Variants in NRXN1 observed in about 807,000 individuals in gnomAD.
NRXN1 encodes the protein neurexin-1.
In NRXN1, 39 loss-of-function variants were observed where a neutral mutation model predicts 150.9. The observed-to-expected ratio is 0.26, with a 90% CI of 0.20 to 0.34. The LOEUF (loss-of-function observed/expected upper bound fraction) is 0.34. NRXN1 is among the 10% of genes least tolerant of loss of function. The pLI is 1.00. For missense variants in NRXN1, 1,815 were observed against 1,949.9 expected, an observed-to-expected ratio of 0.93 and a Z score of 1.30; for synonymous variants, 924 against 757.0, an observed-to-expected ratio of 1.22 and a Z score of -3.62.
At chr2:49,945,643 T>G (rs1672758696) in intron 21 of NRXN1, among the ~76,000 whole-genome samples, 1 of 152,122 alleles carries the variant, frequency 6.6e-6, no homozygotes, top group Admixed American at 6.5e-5. Flanking sequence ...CAGTGTTTGA[T>G]TTTCAGTTCC....
At position 50,538,585 on chromosome 2, in the gene NRXN1, C is replaced by T. The variant is rs199870900; in HGVS notation, c.1811G>A (p.Ser604Asn). The change falls in exon 10 of 23, where the codon AGT (serine) becomes AAT (asparagine). Residue 604 changes from serine (S) to asparagine (N), a missense_variant. Coordinates refer to ENST00000401669, the MANE Select transcript of NRXN1 (RefSeq NM_001330078.2). ...LRTPYTAPGESEILDLDDELY... is the reference protein window; with the variant it reads ...LRTPYTAPGENEILDLDDELY... ...CTCATCATCCAGGTCCAGAATCTCA[C>T]TCTCACCAGGAGCAGTGTAGGGAGT... 1.3e-6 allele frequency: 2 copies of T among 1,556,154 alleles called. No individual in the cohort carries two copies. The highest frequency in any genetic ancestry group is 2.5e-5 in the South Asian group (2 of 80,544).
At position 50,057,120 on chromosome 2, in the gene NRXN1, C is replaced by T. The variant is rs570715866; in HGVS notation, c.3719-2076G>A. Among the ~76,000 whole-genome samples, 21 of 152,250 alleles carry T rather than the reference C, an allele frequency of 1.4e-4. No individual in the cohort carries two copies. In the East Asian group the frequency reaches 3.3e-3, roughly 24 times the overall value. ...TAATCATGTCACTTGTCTAGTATAA[C>T]CCTTCCCATTTCTCTTAGGATAAAA... On this transcript the variant is annotated intron_variant, in intron 19 of 22. Coordinates refer to ENST00000401669, the MANE Select transcript of NRXN1 (RefSeq NM_001330078.2).
intron 17 of NRXN1, among the ~76,000 whole-genome samples, chr2:50,333,589 C>G (rs2152986617): frequency 6.6e-6 from 1 of 152,060 alleles, no homozygotes. Context: ...AGAGATGGTT[C>G]CCATCTTTCC....
chr2:50,129,804 T>C (rs992299932), intron 18 of NRXN1, among the ~76,000 whole-genome samples: 2 of 152,118 alleles, frequency 1.3e-5, no homozygotes, highest in Non-Finnish European at 2.9e-5. Flanking sequence ...AAAACAACAA[T>C]AAAATTATTT....
At chr2:50,243,560 A>G (rs1205641891) in intron 17 of NRXN1, among the ~76,000 whole-genome samples, 1 of 151,868 alleles carries the variant, frequency 6.6e-6, no homozygotes, top group Non-Finnish European at 1.5e-5. Flanking sequence ...TGAAAGTGAT[A>G]CTGTCTAGGA....
intron 5 of NRXN1, among the ~76,000 whole-genome samples, chr2:50,824,984 C>T (rs1044058611): frequency 5.9e-5 from 9 of 152,144 alleles, no homozygotes; most frequent in Non-Finnish European, 8.8e-5. Context: ...ATTAACAGCA[C>T]GCAAGTGATA....
chr2:50,016,960 T>A (rs1686739612), intron 21 of NRXN1, among the ~76,000 whole-genome samples: 1 of 152,154 alleles, frequency 6.6e-6, no homozygotes, highest in South Asian at 2.1e-4. Context: ...GAGCCTGGAA[T>A]GGATGAGTCT....
At chr2:50,313,641 C>T (rs1466516224) in intron 17 of NRXN1, among the ~76,000 whole-genome samples, 1 of 152,102 alleles carries the variant, frequency 6.6e-6, no homozygotes, top group African/African-American at 2.4e-5. Flanking sequence ...CACCATACCG[C>T]TACTTCTCTG....
intron 2 of NRXN1, among the ~76,000 whole-genome samples, chr2:50,983,014 G>C (rs1417240913): frequency 6.6e-6 from 1 of 151,920 alleles, no homozygotes; most frequent in African/African-American, 2.4e-5. Context: ...TGGTCAAGGA[G>C]TTTTATATAT....
intron 15 of NRXN1, among the ~76,000 whole-genome samples, chr2:50,485,211 T>C (rs1419659022): frequency 6.6e-6 from 1 of 152,126 alleles, no homozygotes; most frequent in East Asian, 1.9e-4. Context: ...GCCAACACAG[T>C]CAATATCAGA....
At chr2:51,005,122 G>C (rs921061299) in intron 2 of NRXN1, among the ~76,000 whole-genome samples, 8 of 151,730 alleles carry the variant, frequency 5.3e-5, no homozygotes, top group African/African-American at 1.9e-4. Flanking sequence ...CTTTTAACTG[G>C]ATCTATAACC....
At chr2:49,968,757 G>A (rs765246647) in intron 21 of NRXN1, among the ~76,000 whole-genome samples, 1 of 151,986 alleles carries the variant, frequency 6.6e-6, no homozygotes, top group African/African-American at 2.4e-5. Context: ...AGAATACAAT[G>A]AGCAAATATA....
intron 13 of NRXN1, among the ~76,000 whole-genome samples, chr2:50,505,785 G>A (rs1162198232): frequency 2.0e-5 from 3 of 152,100 alleles, no homozygotes; most frequent in African/African-American, 7.2e-5. Context: ...ACCATTTTGT[G>A]CTTTTTACCA....
chr2:50,881,023 A>G (rs924114808), intron 5 of NRXN1, among the ~76,000 whole-genome samples: 3 of 151,958 alleles, frequency 2.0e-5, no homozygotes, highest in African/African-American at 7.2e-5. Context: ...CTAATTTTAG[A>G]TTATTAAGTA....
intron 21 of NRXN1, chr2:50,022,626 T>C (rs377218326): frequency 1.3e-5 from 2 of 152,258 alleles, no homozygotes; most frequent in East Asian, 3.8e-4. Flanking sequence ...ATAGAATCAT[T>C]GTCAAACAAT....
At chr2:50,922,390 C>T (rs2104287734) in intron 4 of NRXN1, 1 of 566,052 alleles carries the variant, frequency 1.8e-6, no homozygotes, top group Non-Finnish European at 3.2e-6. Context: ...TATATAGAAA[C>T]TTTCAATCAC....
chr2:50,008,582 T>C (rs770784834), intron 21 of NRXN1, among the ~76,000 whole-genome samples: 1 of 151,754 alleles, frequency 6.6e-6, no homozygotes, highest in Middle Eastern at 3.2e-3. Context: ...TTTTGATTCC[T>C]TCCTCCCTAG....
intron 5 of NRXN1, among the ~76,000 whole-genome samples, chr2:50,875,808 T>G (rs754885335): frequency 2.0e-5 from 3 of 151,744 alleles, no homozygotes; most frequent in African/African-American, 4.8e-5. Flanking sequence ...CCCCAGTTAA[T>G]TTTCTAGCTC....
chr2:49,974,019 C>T (rs1197073021), intron 21 of NRXN1: 1 of 717,276 alleles, frequency 1.4e-6, no homozygotes, highest in South Asian at 1.5e-5. Context: ...GGCTACCCTG[C>T]GTGCTTAGAG....
Sources: gnomAD v4.1 joint callset for allele counts (sites outside exome capture counted in the v4.1 genomes callset) on GRCh38, gnomAD v4.1.1 for gene constraint, MANE v1.5 for transcripts, NCBI Gene and HGNC (gene_info 2026-07-23, HGNC 2026-07-21) for gene names.